The following OSTN variants were observed in gnomAD, a reference collection of about 807,000 sequenced individuals.
The protein encoded by OSTN is osteocrin.
OSTN carries 9 observed loss-of-function variants against 12.0 expected under a neutral mutation model. That is an observed-to-expected ratio of 0.75 (90% CI 0.45 to 1.30). The LOEUF is 1.30. Among genes scored for constraint, OSTN ranks in the 50% most tolerant of loss-of-function variants. OSTN has a pLI of 0.00. For missense variants in OSTN, 148 were observed against 152.3 expected (o/e 0.97, Z 0.15); for synonymous variants, 59 against 56.9 (o/e 1.04, Z -0.16).
chr3:191,220,701 A>G (rs1249519673), intron 3 of OSTN, among the ~76,000 whole-genome samples: 4 of 152,164 alleles, frequency 2.6e-5, no homozygotes, highest in Admixed American at 2.6e-4. Flanking sequence ...CATCCAAAGA[A>G]TAGTTGAGCT....
At chr3:191,218,310 T>C (rs1037922950) in intron 2 of OSTN, among the ~76,000 whole-genome samples, 1 of 152,182 alleles carries the variant, frequency 6.6e-6, no homozygotes, top group Non-Finnish European at 1.5e-5. Context: ...TAGCACTCTC[T>C]ATGGAAAATA....
In OSTN at chr3:191,263,519, G is replaced by C. The variant is rs760901973; in HGVS notation, c.*666G>C. 6.6e-6 allele frequency: 1 copy of C among 152,186 alleles called. No individual in the cohort carries two copies. The highest frequency in any genetic ancestry group is 2.4e-5 in the African/African-American group (1 of 41,446). The allele number at this position is 152,186 out of a possible 1,614,324, so 9.4% of individuals were successfully genotyped here. ...CTTTCCATTTTTCTAAATTCTGACA[G>C]TTAAGAGCAGTAGTGTCTCATTAGG... On this transcript the variant is annotated 3_prime_UTR_variant, in exon 5 of 5. Transcript: ENST00000682035.
At chr3:191,219,111 A>G in intron 3 of OSTN, 150 bp downstream of exon 3, 1 of 749,126 alleles carries the variant, frequency 1.3e-6, no homozygotes, top group Non-Finnish European at 2.1e-6. Context: ...AGGTTTAATA[A>G]TACAGTTTTC....
chr3:191,258,190 T>A (rs536242798), intron 4 of OSTN, among the ~76,000 whole-genome samples: 17 of 152,332 alleles, frequency 1.1e-4, no homozygotes, highest in African/African-American at 3.8e-4. Flanking sequence ...TAAAAATGAA[T>A]GCCAAGATTC....
chr3:191,257,800 G>A (rs1030913280), intron 4 of OSTN, among the ~76,000 whole-genome samples: 4 of 152,052 alleles, frequency 2.6e-5, no homozygotes, highest in Non-Finnish European at 5.9e-5. Flanking sequence ...AAAATCACAT[G>A]AACTTGAAAA....
chr3:191,249,185 T>C (rs1305702348), intron 3 of OSTN, among the ~76,000 whole-genome samples: 1 of 152,220 alleles, frequency 6.6e-6, no homozygotes. Flanking sequence ...TCTTAGACTC[T>C]CCCTGCTGTC....
At chr3:191,205,443 A>ATAT (rs1553816618) in intron 1 of OSTN, among the ~76,000 whole-genome samples, 68 of 148,986 alleles carry the variant, frequency 4.6e-4, no homozygotes, top group African/African-American at 1.6e-3. Context: ...AGTAAAAAAA[A>ATAT]ATATATATAT....
intron 4 of OSTN, 49 bp from the exon 5 acceptor site, chr3:191,262,817 T>C (rs759198964): frequency 1.4e-6 from 1 of 700,190 alleles, no homozygotes; most frequent in Non-Finnish European, 2.6e-6. Context: ...TTCCACCTGA[T>C]CTACAGAGTT....
chr3:191,250,206 A>C (rs994853512), intron 4 of OSTN, 73 bp downstream of exon 4: 40 of 1,154,054 alleles, frequency 3.5e-5, no homozygotes, highest in Non-Finnish European at 4.4e-5. Flanking sequence ...TAATCAATCC[A>C]TTCTTGCTTA....
chr3:191,232,910 C>A (rs947237682), intron 3 of OSTN, among the ~76,000 whole-genome samples: 1 of 152,028 alleles, frequency 6.6e-6, no homozygotes, highest in East Asian at 1.9e-4. Flanking sequence ...CCACTGCGTT[C>A]GGTCATAAAT....
intron 3 of OSTN, among the ~76,000 whole-genome samples, chr3:191,229,575 TA>T (rs1714998154): frequency 6.6e-6 from 1 of 152,160 alleles, no homozygotes; most frequent in Non-Finnish European, 1.5e-5. Flanking sequence ...TATTTTATAA[TA>T]AATTCCTTAA....
At chr3:191,206,583 C>A (rs1413193801) in intron 1 of OSTN, among the ~76,000 whole-genome samples, 1 of 152,192 alleles carries the variant, frequency 6.6e-6, no homozygotes, top group African/African-American at 2.4e-5. Context: ...AGTGTCTGCA[C>A]TTTTACCAGA....
intron 3 of OSTN, among the ~76,000 whole-genome samples, chr3:191,220,699 G>A (rs1714740508): frequency 6.6e-6 from 1 of 152,036 alleles, no homozygotes; most frequent in African/African-American, 2.4e-5. Context: ...GGCATCCAAA[G>A]AATAGTTGAG....
At chr3:191,206,879 A>G (rs1256731543) in intron 1 of OSTN, among the ~76,000 whole-genome samples, 1 of 152,208 alleles carries the variant, frequency 6.6e-6, no homozygotes, top group African/African-American at 2.4e-5. Context: ...GAGTGTTTAT[A>G]ACTTAATGGA....
At chr3:191,250,781 G>C (rs886639365) in intron 4 of OSTN, among the ~76,000 whole-genome samples, 1 of 152,172 alleles carries the variant, frequency 6.6e-6, no homozygotes, top group African/African-American at 2.4e-5. Context: ...ACATGCAAGT[G>C]ATAGTTTACA....
intron 3 of OSTN, among the ~76,000 whole-genome samples, chr3:191,240,899 AC>A (rs1360148238): frequency 1.3e-5 from 2 of 152,246 alleles, no homozygotes; most frequent in Non-Finnish European, 1.5e-5. Context: ...AGCTTTCATT[AC>A]TTCCAACAGT....
chr3:191,245,254 T>C (rs1334449156), intron 3 of OSTN, among the ~76,000 whole-genome samples: 1 of 152,222 alleles, frequency 6.6e-6, no homozygotes, highest in African/African-American at 2.4e-5. Context: ...CTTTGTCTTA[T>C]TCACTGTAGT....
intron 4 of OSTN, among the ~76,000 whole-genome samples, chr3:191,261,804 T>G (rs933957391): frequency 5.3e-5 from 8 of 152,234 alleles, no homozygotes; most frequent in Non-Finnish European, 1.5e-5. Context: ...AGGCTTTAGC[T>G]CTAAGCAACT....
At chr3:191,228,812 T>A (rs910612648) in intron 3 of OSTN, 1 of 152,202 alleles carries the variant, frequency 6.6e-6, no homozygotes, top group Admixed American at 6.5e-5. Context: ...GTGGAATTAG[T>A]AAACGAGGTA....
Sources: allele counts gnomAD v4.1 joint callset (sites outside exome capture counted in the v4.1 genomes callset), GRCh38; gene constraint gnomAD v4.1.1; transcripts MANE v1.5; gene names NCBI Gene and HGNC (gene_info 2026-07-23, HGNC 2026-07-21).